The following PPTC7 variants were observed in gnomAD, a reference collection of about 807,000 sequenced individuals.
The protein encoded by PPTC7 is protein phosphatase targeting COQ7.
PPTC7 carries 6 observed loss-of-function variants against 30.8 expected under a neutral mutation model. The observed-to-expected ratio is 0.19, with a 90% CI of 0.11 to 0.38. The LOEUF (loss-of-function observed/expected upper bound fraction) is 0.38. Among genes scored for constraint, PPTC7 ranks in the 10% least tolerant of loss-of-function variants. The probability of loss-of-function intolerance (pLI) is 1.00; values close to 1 mark genes in which losing one functional copy is unlikely to be tolerated. For missense variants in PPTC7, 218 were observed against 404.8 expected (o/e 0.54, Z 3.96); for synonymous variants, 163 against 168.1 (o/e 0.97, Z 0.23).
At chr12:110,578,696 T>C (rs1223059835) in intron 1 of PPTC7, among the ~76,000 whole-genome samples, 1 of 152,202 alleles carries the variant, frequency 6.6e-6, no homozygotes, top group Non-Finnish European at 1.5e-5. Flanking sequence ...GTAATAAATA[T>C]GGTGTCAATT....
At chr12:110,542,673 CAAAAAAAAAAAAAAAAA>C (rs765332697) in intron 3 of PPTC7, among the ~76,000 whole-genome samples, 1 of 26,776 alleles carries the variant, frequency 3.7e-5, no homozygotes, top group East Asian at 1.5e-3. Context: ...GACTCTGTCT[CAAAAAAAAAAAAAAAAA>C]AAAAAAAAAG....
intron 1 of PPTC7, among the ~76,000 whole-genome samples, chr12:110,580,901 G>A (rs1027672300): frequency 1.3e-5 from 2 of 152,116 alleles, no homozygotes; most frequent in South Asian, 2.1e-4. Flanking sequence ...ATAGGCATGC[G>A]CCATCACGCC....
intron 3 of PPTC7, among the ~76,000 whole-genome samples, chr12:110,541,040 G>A (rs575395025): frequency 6.0e-5 from 9 of 151,212 alleles, no homozygotes; most frequent in African/African-American, 2.2e-4. Context: ...CTCTCAAAGT[G>A]CTGGGATAAC....
intron 2 of PPTC7, among the ~76,000 whole-genome samples, chr12:110,550,479 C>T (rs1262464695): frequency 1.3e-5 from 2 of 152,084 alleles, no homozygotes; most frequent in African/African-American, 4.8e-5. Context: ...ATCCGCCCAC[C>T]TCGGCCTCCC....
chr12:110,567,693 A>G (rs930753755), intron 1 of PPTC7, among the ~76,000 whole-genome samples: 1 of 152,106 alleles, frequency 6.6e-6, no homozygotes, highest in Non-Finnish European at 1.5e-5. Flanking sequence ...CTGTTCTCCC[A>G]TTACACCCTC....
chr12:110,583,091 C>G lies in PPTC7; in HGVS notation c.-60G>C. On this transcript the variant is annotated 5_prime_UTR_variant, in exon 1 of 6. Coordinates refer to ENST00000354300, the MANE Select transcript of PPTC7 (RefSeq NM_139283.2). The stretch of plus-strand genomic sequence containing the variant: ...GGGGGAGCAGGAGGACGCGGAGGCC[C>G]GGAGCCGGCTCTCTCCTCAGCCGCA... The G allele has an allele frequency of 5.4e-6, 7 of 1,296,854 alleles. No individual in the cohort carries two copies. Among genetic ancestry groups the G allele is most frequent in the Non-Finnish European group, 5.9e-6 (6 of 1,017,152 alleles). 80.3% of individuals were successfully genotyped at this position (1,296,854 alleles called of 1,614,324 possible).
Sources: allele counts gnomAD v4.1 joint callset (sites outside exome capture counted in the v4.1 genomes callset), GRCh38; gene constraint gnomAD v4.1.1; transcripts MANE v1.5; gene names NCBI Gene and HGNC (gene_info 2026-07-23, HGNC 2026-07-21).